The following RUSC2 variants were observed in gnomAD, a reference collection of about 807,000 sequenced individuals.
The protein encoded by RUSC2 is RUN and SH3 domain containing 2, also known as AP-4 complex accessory subunit RUSC2.
A neutral mutation model predicts 122.2 loss-of-function variants in RUSC2; 34 were observed. That is an observed-to-expected ratio of 0.28 (90% CI 0.21 to 0.37). The LOEUF (loss-of-function observed/expected upper bound fraction) is 0.37. Ranked by LOEUF, RUSC2 falls within the 10% of genes least tolerant of loss-of-function variation. The pLI is 1.00. For synonymous variants in RUSC2, 784 were observed against 790.0 expected (o/e 0.99, Z 0.13); for missense variants, 1,747 against 1,952.4 (o/e 0.89, Z 1.98).
At chr9:35,527,445 G>GTT (rs745511992) in intron 1 of RUSC2, among the ~76,000 whole-genome samples, 25 of 152,272 alleles carry the variant, frequency 1.6e-4, no homozygotes, top group Admixed American at 7.8e-4. Context: ...GATTACAGGT[G>GTT]TAAGTCACTG....
At chr9:35,507,705 T>A (rs1820940968) in intron 1 of RUSC2, 1 of 233,030 alleles carries the variant, frequency 4.3e-6, no homozygotes, top group South Asian at 6.7e-5. Flanking sequence ...GCACAGTGGC[T>A]ATGGTGGGCA....
chr9:35,512,699 T>G (rs1821030723), intron 1 of RUSC2, among the ~76,000 whole-genome samples: 2 of 152,194 alleles, frequency 1.3e-5, no homozygotes, highest in Admixed American at 6.5e-5. Flanking sequence ...CCATGAGTTA[T>G]ACTTTGTTTT....
chr9:35,526,999 A>G (rs1821337155), intron 1 of RUSC2, among the ~76,000 whole-genome samples: 2 of 152,030 alleles, frequency 1.3e-5, no homozygotes, highest in Non-Finnish European at 2.9e-5. Flanking sequence ...ATTCTATCTT[A>G]TCTCTTAACT....
chr9:35,509,254 G>A (rs966203174), intron 1 of RUSC2, among the ~76,000 whole-genome samples: 2 of 152,212 alleles, frequency 1.3e-5, no homozygotes, highest in African/African-American at 4.8e-5. Flanking sequence ...TTGAGCCCCG[G>A]AGGCACACCA....
chr9:35,498,556 T>C (rs1820762549), intron 1 of RUSC2, among the ~76,000 whole-genome samples: 1 of 150,728 alleles, frequency 6.6e-6, no homozygotes. Flanking sequence ...AGACTCTGTC[T>C]CAAAAAAAGA....
chr9:35,514,760 C>T (rs533405281), intron 1 of RUSC2, among the ~76,000 whole-genome samples: 1 of 152,216 alleles, frequency 6.6e-6, no homozygotes, highest in African/African-American at 2.4e-5. Flanking sequence ...ATTAGAGACC[C>T]ACACCCTTTC....
At chr9:35,502,423 C>T (rs1820833938) in intron 1 of RUSC2, among the ~76,000 whole-genome samples, 1 of 152,164 alleles carries the variant, frequency 6.6e-6, no homozygotes, top group African/African-American at 2.4e-5. Flanking sequence ...ATCTCTCACT[C>T]CCTCAAGATT....
At chr9:35,550,763 G>A (rs778164108) in intron 2 of RUSC2, among the ~76,000 whole-genome samples, 12 of 152,152 alleles carry the variant, frequency 7.9e-5, no homozygotes, top group African/African-American at 2.9e-4. Flanking sequence ...AGAGACAGAA[G>A]AATTAGGACA....
chr9:35,530,184 C>T (rs1821394154), intron 1 of RUSC2, among the ~76,000 whole-genome samples: 1 of 152,160 alleles, frequency 6.6e-6, no homozygotes, highest in South Asian at 2.1e-4. Context: ...CTCATAAGCT[C>T]AAGCAATCCG....
Position 35,555,402 on chromosome 9 carries a change from T to C in RUSC2, c.2357T>C (p.Val786Ala). ...GGCAGCTACTCCCCCATCCGGAGTG[T>C]TGGCCCCTTTGGGCCCAGCACTGAC... ...PLGSYSPIRS[V>A]GPFGPSTDSS... Residue 786 changes from valine (V) to alanine (A), a missense_variant, in exon 3 of 12, where the codon GTT (valine) becomes GCT (alanine). Transcript: ENST00000361226. This position sits in a 1 kb window ranked among gnomAD's most constrained non-coding sequence, Gnocchi z 4.6. The C allele has an allele frequency of 6.2e-7, 1 of 1,614,236 alleles. No homozygotes were observed.
chr9:35,560,124 C>G lies in RUSC2; in HGVS notation c.3484C>G (p.Pro1162Ala). 9 of 1,612,380 alleles carry G rather than the reference C, an allele frequency of 5.6e-6. No homozygotes were observed. The highest frequency in any genetic ancestry group is 6.8e-6 in the Non-Finnish European group (8 of 1,180,000). The change falls in exon 10 of 12, where the codon CCC becomes GCC. Residue 1162 changes from proline (P) to alanine (A), a missense_variant. Physicochemically the swap from Pro to Ala is conservative, Grantham distance 27. Transcript: ENST00000361226. Reference sequence around the variant, plus strand: ...TGAAGAGCTGCTGCTGCTGCTACAGCCCCTGGCCCTGCTGCCCTTCAGCCT... The same window carrying G: ...TGAAGAGCTGCTGCTGCTGCTACAGGCCCTGGCCCTGCTGCCCTTCAGCCT... ...LFEELLLLLQ[P>A]LALLPFSLDL...
At position 35,556,093 on chromosome 9, in the gene RUSC2, C is replaced by G. The variant is rs932297045; in HGVS notation, c.2798C>G (p.Pro933Arg). 2.5e-6 allele frequency: 4 copies of G among 1,614,238 alleles called. No individual in the cohort carries two copies. Among genetic ancestry groups the G allele is most frequent in the Non-Finnish European group, 3.4e-6 (4 of 1,180,036 alleles). The change falls in exon 4 of 12, where the codon CCT becomes CGT. Residue 933 changes from proline to arginine, a missense_variant. Coordinates refer to ENST00000361226, the MANE Select transcript of RUSC2 (RefSeq NM_014806.5). ...CGAAGAAACCCTATCTTTGAGTTCC[C>G]TGGCTCCCTCAGTGCTGCCAGCCAT... ...LARRNPIFEFPGSLSAASHLN... is the reference protein window; with the variant it reads ...LARRNPIFEFRGSLSAASHLN...
intron 1 of RUSC2, among the ~76,000 whole-genome samples, chr9:35,532,849 G>A (rs1821447297): frequency 6.6e-6 from 1 of 152,118 alleles, no homozygotes; most frequent in South Asian, 2.1e-4. Flanking sequence ...AATGATAACT[G>A]CTTCACACAC....
At chr9:35,551,969 C>A (rs1312459827) in intron 2 of RUSC2, among the ~76,000 whole-genome samples, 1 of 152,100 alleles carries the variant, frequency 6.6e-6, no homozygotes, top group African/African-American at 2.4e-5. Context: ...GAGGCTGAGG[C>A]AGGAGGATCG....
rs1049821686 is a variant in RUSC2 at position 35,557,523 on chromosome 9, A to G, written c.2984-391A>G. Among the ~76,000 whole-genome samples, 3 of 152,194 alleles carry G rather than the reference A, an allele frequency of 2.0e-5. No individual in the cohort carries two copies. Among genetic ancestry groups the G allele is most frequent in the Non-Finnish European group, 4.4e-5 (3 of 68,030 alleles). On this transcript the variant is annotated intron_variant, in intron 5 of 11. Coordinates refer to ENST00000361226, the MANE Select transcript of RUSC2 (RefSeq NM_014806.5). This position sits in a 1 kb window ranked among gnomAD's most constrained non-coding sequence, Gnocchi z 4.6. ...GTATGGCAGAGAGTGCTGACAAGCC[A>G]TGTGTCAAAGAACCGCCCTTGTCTG...
chr9:35,558,086 G>A lies in RUSC2; in HGVS notation c.3060+96G>A. The A allele has an allele frequency of 1.9e-6, 3 of 1,582,440 alleles. No homozygotes were observed. The highest frequency in any genetic ancestry group is 2.2e-5 in the South Asian group (2 of 90,268). On this transcript the variant is annotated intron_variant, in intron 6 of 11. Coordinates refer to ENST00000361226, the MANE Select transcript of RUSC2 (RefSeq NM_014806.5). This position sits in a 1 kb window ranked among gnomAD's most constrained non-coding sequence, Gnocchi z 4.3. ...TTGCTGTCTTGCATTTAGAGCCCAG[G>A]GTTGGGTACTTAGGAATGGGGACGG...
intron 1 of RUSC2, among the ~76,000 whole-genome samples, chr9:35,536,579 G>A (rs1821531473): frequency 6.6e-6 from 1 of 152,154 alleles, no homozygotes; most frequent in Non-Finnish European, 1.5e-5. Context: ...TTGGGAGGCT[G>A]AGGCGGGTGG....
rs759972957 is a variant in RUSC2 at position 35,560,118 on chromosome 9, C to T, written c.3478C>T (p.Leu1160=). The T allele has an allele frequency of 7.4e-6, 12 of 1,612,588 alleles. No individual in the cohort carries two copies. The highest frequency in any genetic ancestry group is 1.0e-5 in the Non-Finnish European group (12 of 1,180,014). The change falls in exon 10 of 12, where the codon CTA becomes TTA. Residue 1160 remains leucine (L), a synonymous_variant. Transcript: ENST00000361226. ...PGLFEELLLL[L]QPLALLPFSL... ...CCTCTTTGAAGAGCTGCTGCTGCTG[C>T]TACAGCCCCTGGCCCTGCTGCCCTT...
chr9:35,495,566 C>T (rs1820693907), intron 1 of RUSC2, among the ~76,000 whole-genome samples: 1 of 151,936 alleles, frequency 6.6e-6, no homozygotes, highest in South Asian at 2.1e-4. Flanking sequence ...GTTTTGATTA[C>T]TGTAGCTTTG....
Sources: allele counts gnomAD v4.1 joint callset (sites outside exome capture counted in the v4.1 genomes callset), GRCh38; gene constraint gnomAD v4.1.1; non-coding constraint Gnocchi (gnomAD v3.1); transcripts MANE v1.5; gene names NCBI Gene and HGNC (gene_info 2026-07-23, HGNC 2026-07-21).